SPTBN5: variants seen among roughly 807,000 people sequenced by gnomAD.
SPTBN5 encodes the protein spectrin beta, non-erythrocytic 5.
SPTBN5 carries 513 observed loss-of-function variants against 477.6 expected under a neutral mutation model. The ratio of observed to expected loss-of-function variants is 1.07; its 90% CI spans 1.00 to 1.16. SPTBN5 has a LOEUF of 1.16. Ranked by LOEUF, SPTBN5 falls within the 50% of genes most tolerant of loss-of-function variation. The pLI is 0.00. For missense variants in SPTBN5, 5,062 were observed against 4,731.8 expected (o/e 1.07, Z -2.05); for synonymous variants, 2,169 against 2,011.7 (o/e 1.08, Z -2.09).
intron 44 of SPTBN5, 64 bp downstream of exon 44, chr15:41,862,066 G>C (rs941443323): frequency 7.2e-7 from 1 of 1,391,784 alleles, no homozygotes; most frequent in Admixed American, 2.5e-5. Context: ...AAGGAGATGA[G>C]AGGAAGGGGA....
rs1567217403 is a variant in SPTBN5, at chr15:41,876,657, G to GGT, written c.3852-11_3852-10insAC. 2 of 1,083,828 alleles carry GGT rather than the reference G, an allele frequency of 1.8e-6. No individual in the cohort carries two copies. Among genetic ancestry groups the GGT allele is most frequent in the Admixed American group, 2.3e-5 (1 of 43,906 alleles). 67.1% of individuals were successfully genotyped at this position (1,083,828 alleles called of 1,614,324 possible). A position where few individuals can be genotyped will look rare whatever the true frequency, so the allele number is the denominator to read the frequency against. ...CAGCTGCTCTCTGACCCTGGAGGGCGGGGGGGGGTTGGAGGAGGGCATGGG... is the reference window on the plus strand; with the variant it reads ...CAGCTGCTCTCTGACCCTGGAGGGCGGTGGGGGGGGTTGGAGGAGGGCATGGG... On this transcript the variant is annotated splice_polypyrimidine_tract_variant and intron_variant, in intron 19 of 67. Coordinates refer to ENST00000320955, the MANE Select transcript of SPTBN5 (RefSeq NM_016642.4).
Position 41,856,833 on chromosome 15 carries a change from C to G in SPTBN5, c.8808+20G>C. The G allele has an allele frequency of 6.5e-7, 1 of 1,534,042 alleles. No individual in the cohort carries two copies. Among genetic ancestry groups the G allele is most frequent in the South Asian group, 1.2e-5 (1 of 83,668 alleles). On this transcript the variant is annotated intron_variant, in intron 52 of 67. Transcript: ENST00000320955. ...GCCCTGCTCATGTGCGAGGCCAGCC[C>G]TCCCCGGGTGGGCCCACACCTGGTG...
chr15:41,879,518 G>T lies in SPTBN5; in HGVS notation c.2943-19C>A. 1.3e-6 allele frequency: 2 copies of T among 1,540,986 alleles called. No individual in the cohort carries two copies. Among genetic ancestry groups the T allele is most frequent in the Non-Finnish European group, 8.7e-7 (1 of 1,145,214 alleles). ...CCCCCACCTGGGCAGAGGGTACAAGGTTGTCTCCACAACAGGGACACCTCC... is the reference window on the plus strand; with the variant it reads ...CCCCCACCTGGGCAGAGGGTACAAGTTTGTCTCCACAACAGGGACACCTCC... On this transcript the variant is annotated intron_variant, in intron 15 of 67. Coordinates refer to ENST00000320955, the MANE Select transcript of SPTBN5 (RefSeq NM_016642.4).
intron 3 of SPTBN5, among the ~76,000 whole-genome samples, chr15:41,891,728 G>A (rs891372971): frequency 3.3e-5 from 5 of 152,146 alleles, no homozygotes; most frequent in East Asian, 1.9e-4. Context: ...GGAGCCCAGC[G>A]CCTGCATAGA....
chr15:41,849,530 C>G (rs1426185442), intron 67 of SPTBN5, among the ~76,000 whole-genome samples: 5 of 152,200 alleles, frequency 3.3e-5, no homozygotes, highest in African/African-American at 9.6e-5. Context: ...CAGGCAGGCT[C>G]TCAGCACTGG....
At chr15:41,857,779 C>T in intron 49 of SPTBN5, 69 bp from the exon 50 acceptor site, 3 of 1,499,794 alleles carry the variant, frequency 2.0e-6, no homozygotes, top group Non-Finnish European at 2.7e-6. Flanking sequence ...TGTGTTGACT[C>T]TGACCACCAG....
At chr15:41,893,764 C>A in intron 1 of SPTBN5, 135 bp downstream of exon 1, 1 of 577,014 alleles carries the variant, frequency 1.7e-6, no homozygotes, top group Non-Finnish European at 3.0e-6. Context: ...AGAGCCCCTG[C>A]TGCCAGGTCC....
At position 41,861,456 on chromosome 15, in the gene SPTBN5, C is replaced by T. The variant is rs749306801; in HGVS notation, c.7778G>A (p.Cys2593Tyr). The T allele has an allele frequency of 1.9e-6, 3 of 1,613,542 alleles. No individual in the cohort carries two copies. In the African/African-American group the frequency reaches 4.0e-5, roughly 22 times the overall value. The change falls in exon 46 of 68, where the codon TGC becomes TAC. Residue 2593 changes from cysteine to tyrosine, a missense_variant. Coordinates refer to ENST00000320955, the MANE Select transcript of SPTBN5 (RefSeq NM_016642.4). ...SSVEKMERWL[C>Y]SKEDSLASEG... ...ACTGGCTAGGGAGTCTTCCTTGCTG[C>T]AAAGCCAACGTTCCATCTTCTCCAC...
chr15:41,882,233 C>T (rs546349693), intron 11 of SPTBN5, 36 bp downstream of exon 11: 20 of 564,368 alleles, frequency 3.5e-5, no homozygotes, highest in South Asian at 2.4e-4. Flanking sequence ...CCTCGCCGGG[C>T]CCCGCCCCCA....
chr15:41,860,602 G>A lies in SPTBN5; in HGVS notation c.7972C>T (p.Gln2658Ter), dbSNP rs375299153. The change falls in exon 47 of 68, where the codon CAG becomes TAG. Residue 2658 changes from glutamine to a stop codon, truncating the protein, a stop_gained. Coordinates refer to ENST00000320955, the MANE Select transcript of SPTBN5 (RefSeq NM_016642.4). LOFTEE classifies it high-confidence loss of function. The stretch of plus-strand genomic sequence containing the variant: ...CACCACTACCTCAGAAGCATGGCCT[G>A]GCACCTGCCCAGGGCACTCTGGGCC... ...PEAQSALGRC[Q>*]AMLLRKEALF... is the part of the protein sequence containing the mutation. The A allele has an allele frequency of 6.8e-7, 1 of 1,469,448 alleles. No homozygotes were observed. Among genetic ancestry groups the A allele is most frequent in the Non-Finnish European group, 9.0e-7 (1 of 1,105,434 alleles). 91.0% of individuals were successfully genotyped at this position (1,469,448 alleles called of 1,614,324 possible). A position where few individuals can be genotyped will look rare whatever the true frequency, so the allele number is the denominator to read the frequency against.
intron 28 of SPTBN5, 35 bp from the exon 29 acceptor site, chr15:41,871,555 C>T: frequency 7.0e-7 from 1 of 1,436,268 alleles, no homozygotes; most frequent in Non-Finnish European, 9.2e-7. Context: ...GGGTAGCCCC[C>T]AGCTGGTTAG....
intron 5 of SPTBN5, 37 bp from the exon 6 acceptor site, chr15:41,887,478 A>C: frequency 6.8e-7 from 1 of 1,472,500 alleles, no homozygotes; most frequent in Non-Finnish European, 9.3e-7. Flanking sequence ...CACCAGCAGG[A>C]ACCTACTGCT....
In SPTBN5 at chr15:41,893,041, G is replaced by T. The variant is rs778119580; in HGVS notation, c.237C>A (p.Asn79Lys). The change falls in exon 3 of 68, where the codon AAC becomes AAA. Residue 79 changes from asparagine to lysine, a missense_variant. By Grantham distance (94) the Asn-to-Lys change is moderately conservative. Coordinates refer to ENST00000320955, the MANE Select transcript of SPTBN5 (RefSeq NM_016642.4). ...TGCCGTCAGCCAGCTCTGTGTACAGGTTCCGGATCTTGATGCCCGCCTGGG... is the reference window on the plus strand; with the variant it reads ...TGCCGTCAGCCAGCTCTGTGTACAGTTTCCGGATCTTGATGCCCGCCTGGG... ...QCGQAGIKIR[N>K]LYTELADGIH... 90 of 1,611,376 alleles carry T rather than the reference G, an allele frequency of 5.6e-5. No homozygotes were observed. Among genetic ancestry groups the T allele is most frequent in the Non-Finnish European group, 7.5e-5 (89 of 1,179,792 alleles).
At position 41,862,199 on chromosome 15, in the gene SPTBN5, C is replaced by T. The variant is rs527949449; in HGVS notation, c.7479G>A (p.Met2493Ile). Reference protein sequence around the residue: ...LVSAQRLRAQMDTSPAPRSPV... With the variant: ...LVSAQRLRAQIDTSPAPRSPV... ...GGCTGCGAGGAGCGGGGCTCGTGTCCATCTGAGCCCGCAGCCTCTGGGCGC... is the reference window on the plus strand; with the variant it reads ...GGCTGCGAGGAGCGGGGCTCGTGTCTATCTGAGCCCGCAGCCTCTGGGCGC... The change falls in exon 44 of 68, where the codon ATG becomes ATA. Residue 2493 changes from methionine (M) to isoleucine (I), a missense_variant. Transcript: ENST00000320955. The T allele has an allele frequency of 6.2e-6, 10 of 1,610,946 alleles. No homozygotes were observed. The East Asian group carries it at 1.8e-4, about 29-fold the overall frequency.
intron 17 of SPTBN5, 39 bp downstream of exon 17, chr15:41,878,300 GTCC>G: frequency 6.3e-7 from 1 of 1,597,258 alleles, no homozygotes; most frequent in Non-Finnish European, 8.5e-7. Context: ...CAGAGCCCTG[GTCC>G]CAGCCCAAAG....
At chr15:41,875,649 G>C (rs536351334) in intron 21 of SPTBN5, 27 bp from the exon 22 acceptor site, 1 of 1,550,630 alleles carries the variant, frequency 6.4e-7, no homozygotes, top group South Asian at 1.2e-5. Flanking sequence ...GGCCCAGGGA[G>C]TTTGGCTGAG....
At chr15:41,859,003 G>C in intron 47 of SPTBN5, 23 bp from the exon 48 acceptor site, 1 of 1,497,540 alleles carries the variant, frequency 6.7e-7, no homozygotes, top group South Asian at 1.3e-5. Context: ...GAGGCTCATG[G>C]GCCTGGAGCC....
intron 11 of SPTBN5, 32 bp downstream of exon 11, chr15:41,882,237 G>GGCCCCCCCCCCCC: frequency 5.6e-6 from 2 of 357,960 alleles, no homozygotes; most frequent in South Asian, 4.5e-5. Context: ...GCCGGGCCCC[G>GGCCCCCCCCCCCC]CCCCCACCCC....
Position 41,855,265 on chromosome 15 carries a change from C to A in SPTBN5, c.9382G>T (p.Ala3128Ser). 6.2e-7 allele frequency: 1 copy of A among 1,612,498 alleles called. No homozygotes were observed. The highest frequency in any genetic ancestry group is 8.5e-7 in the Non-Finnish European group (1 of 1,179,724). Residue 3128 changes from alanine to serine, a missense_variant, in exon 55 of 68, where the codon GCC becomes TCC. Transcript: ENST00000320955. ...DAWLTTKAAT[A>S]ESQDYGQDLE... ...TCCTGCCCGTAGTCCTGGGACTCGGCGGTGGCCGCCTTGGTGGTCAGCCAG... is the reference window on the plus strand; with the variant it reads ...TCCTGCCCGTAGTCCTGGGACTCGGAGGTGGCCGCCTTGGTGGTCAGCCAG...
Sources: allele counts gnomAD v4.1 joint callset (sites outside exome capture counted in the v4.1 genomes callset), GRCh38; gene constraint gnomAD v4.1.1; transcripts MANE v1.5; gene names NCBI Gene and HGNC (gene_info 2026-07-23, HGNC 2026-07-21).